The following RAD52 variants were observed in gnomAD, a reference collection of about 807,000 sequenced individuals.
RAD52 encodes DNA repair protein RAD52 homolog.
RAD52 carries 47 observed loss-of-function variants against 55.5 expected under a neutral mutation model. That is an observed-to-expected ratio of 0.85 (90% CI 0.67 to 1.08). The LOEUF (loss-of-function observed/expected upper bound fraction) is 1.08, where lower values mean the gene tolerates loss of function less well. Among genes scored for constraint, RAD52 ranks in the 50% least tolerant of loss-of-function variants. The pLI is 0.00. For missense variants in RAD52, 468 were observed against 522.8 expected, an observed-to-expected ratio of 0.90 and a Z score of 1.02; for synonymous variants, 184 against 198.9, an observed-to-expected ratio of 0.92 and a Z score of 0.63.
In RAD52 at chr12:972,098, C is replaced by G. The variant is rs975049321; in HGVS notation, c.-19+17711G>C. Among the ~76,000 whole-genome samples, 3 of 152,110 alleles carry G rather than the reference C, an allele frequency of 2.0e-5. 1 individual carries two copies. Among genetic ancestry groups the G allele is most frequent in the Non-Finnish European group, 4.4e-5 (3 of 68,024 alleles). On this transcript the variant is annotated intron_variant, in intron 1 of 11. Transcript: ENST00000430095. ...AAATATGGGAGGAATAAGCACAAAT[C>G]TTGAGGCAACGCTAACATGCAATAT... is the stretch of plus-strand genomic sequence containing the variant.
In RAD52 at chr12:912,281, A is replaced by G. The variant is rs866946266; in HGVS notation, c.*1110T>C. The G allele has an allele frequency of 1.0e-5, 2 of 197,820 alleles. No homozygotes were observed. Among genetic ancestry groups the G allele is most frequent in the East Asian group, 7.8e-5 (1 of 12,842 alleles). The allele number at this position is 197,820 out of a possible 1,614,324, so 12.3% of individuals were successfully genotyped here. On this transcript the variant is annotated 3_prime_UTR_variant, in exon 12 of 12. Transcript: ENST00000358495. ...TGACAAGTCGCAAAGCACCAGGCAT[A>G]CAACAGTTTATGCAGCGACCCTAAG... is the stretch of plus-strand genomic sequence containing the variant.
At chr12:925,108 G>A (rs1048699804) in intron 7 of RAD52, among the ~76,000 whole-genome samples, 6 of 151,724 alleles carry the variant, frequency 4.0e-5, no homozygotes, top group Admixed American at 6.6e-5. Flanking sequence ...CCACCACCTC[G>A]CCCGGCTAAT....
In RAD52 at chr12:913,351, C is replaced by A. The variant is rs745561365; in HGVS notation, c.*40G>T. 3.4e-6 allele frequency: 5 copies of A among 1,470,720 alleles called. No individual in the cohort carries two copies. In the Admixed American group the frequency reaches 1.0e-4, roughly 30 times the overall value. 91.1% of individuals were successfully genotyped at this position (1,470,720 alleles called of 1,614,324 possible). On this transcript the variant is annotated 3_prime_UTR_variant, in exon 12 of 12. Coordinates refer to ENST00000358495, the MANE Select transcript of RAD52 (RefSeq NM_134424.4). Reference sequence around the variant, plus strand: ...TGACCAAAAAGTAGTTTTCCAAAGTCCCTTTGTGACAGAGTCCAATTATGT... The same window carrying A: ...TGACCAAAAAGTAGTTTTCCAAAGTACCTTTGTGACAGAGTCCAATTATGT...
chr12:927,323 CCT>C (rs1436510098), intron 5 of RAD52, 60 bp from the exon 6 acceptor site: 67 of 1,238,386 alleles, frequency 5.4e-5, no homozygotes, highest in Non-Finnish European at 8.0e-5. Flanking sequence ...CCACAACTCC[CCT>C]GTTCCTCAAG....
Position 927,254 on chromosome 12 carries a change from A to G in RAD52, c.358T>C (p.Tyr120His). ...ACACCATAACCAACATCTTCATGATATGAACCATCCTGGGGGCAGAAAAGG... is the reference window on the plus strand; with the variant it reads ...ACACCATAACCAACATCTTCATGATGTGAACCATCCTGGGGGCAGAAAAGG... ...FVRVQLKDGSYHEDVGYGVSE... is the reference protein window; with the variant it reads ...FVRVQLKDGSHHEDVGYGVSE... The change falls in exon 6 of 12, where the codon TAT becomes CAT. Residue 120 changes from tyrosine (Y) to histidine (H), a missense_variant. Transcript: ENST00000358495. 1.2e-6 allele frequency: 2 copies of G among 1,612,970 alleles called. No homozygotes were observed. The highest frequency in any genetic ancestry group is 4.5e-5 in the East Asian group (2 of 44,874).
At chr12:916,914 A>G (rs1483742973) in intron 7 of RAD52, 94 bp from the exon 8 acceptor site, 1 of 1,505,390 alleles carries the variant, frequency 6.6e-7, no homozygotes, top group African/African-American at 1.4e-5. Context: ...GGAAAATCGC[A>G]TTTGACATCC....
At chr12:974,690 C>G (rs1163673440) in intron 1 of RAD52, 1 of 152,176 alleles carries the variant, frequency 6.6e-6, no homozygotes, top group Non-Finnish European at 1.5e-5. Flanking sequence ...AGTAACTAAC[C>G]TCATCAAATA....
At chr12:951,197 C>CT (rs964755664), upstream of RAD52, among the ~76,000 whole-genome samples, 7 of 152,298 alleles carry the variant, frequency 4.6e-5, no homozygotes, top group African/African-American at 1.7e-4. Context: ...ACTGCAACCT[C>CT]TAACTCCTGG....
chr12:912,552 G>T lies in RAD52; in HGVS notation c.*839C>A, dbSNP rs903866119. On this transcript the variant is annotated 3_prime_UTR_variant, in exon 12 of 12. Transcript: ENST00000358495. Reference sequence around the variant, plus strand: ...ATTCTATTTTGTTAATAAGGTATACGATTTGCTTTCTCAAAAATGCCTTTT... The same window carrying T: ...ATTCTATTTTGTTAATAAGGTATACTATTTGCTTTCTCAAAAATGCCTTTT... 4 of 181,364 alleles carry T rather than the reference G, an allele frequency of 2.2e-5. No homozygotes were observed. The highest frequency in any genetic ancestry group is 9.0e-5 in the East Asian group (1 of 11,112). The allele number at this position is 181,364 out of a possible 1,614,324, so 11.2% of individuals were successfully genotyped here. A position where few individuals can be genotyped will look rare whatever the true frequency, so the allele number is the denominator to read the frequency against.
intron 1 of RAD52, among the ~76,000 whole-genome samples, chr12:961,518 C>A (rs537776330): frequency 1.4e-4 from 22 of 151,812 alleles, no homozygotes; most frequent in Non-Finnish European, 2.8e-4. Context: ...GGGCCCTAAT[C>A]TAACCTGACT....
rs57038565 is a variant in RAD52 at position 911,872 on chromosome 12, A to AATTAATT, written c.*1518_*1519insAATTAAT. Among the ~76,000 whole-genome samples, 4 of 49,084 alleles carry AATTAATT rather than the reference A, an allele frequency of 8.1e-5. No individual in the cohort carries two copies. In the South Asian group the frequency reaches 1.9e-3, roughly 23 times the overall value. 32.2% of individuals were successfully genotyped at this position (49,084 alleles called of 152,430 possible). A position where few individuals can be genotyped will look rare whatever the true frequency, so the allele number is the denominator to read the frequency against. ...CCGTCTCCTCTACTAAAAATACAAA[A>AATTAATT]ATTAGTCGGGCGTCGTGGTGGGTGT... On this transcript the variant is annotated 3_prime_UTR_variant, in exon 12 of 12. Coordinates refer to ENST00000358495, the MANE Select transcript of RAD52 (RefSeq NM_134424.4).
intron 7 of RAD52, among the ~76,000 whole-genome samples, chr12:920,872 T>C (rs1381464159): frequency 6.6e-6 from 1 of 152,194 alleles, no homozygotes; most frequent in Non-Finnish European, 1.5e-5. Flanking sequence ...ACATGGAACA[T>C]TCTCCAAGAC....
chr12:919,578 C>T (rs552157491), intron 7 of RAD52, among the ~76,000 whole-genome samples: 12 of 151,844 alleles, frequency 7.9e-5, no homozygotes, highest in Admixed American at 1.3e-4. Flanking sequence ...AGCAAAACCC[C>T]GCTCTACTAA....
rs1048845932 is a variant in RAD52, at chr12:912,463, A to G, written c.*928T>C. On this transcript the variant is annotated 3_prime_UTR_variant, in exon 12 of 12. Transcript: ENST00000358495. ...ATCCCCAAGGTCTCATTATGTGTAT[A>G]CAAATATTCAAAAAATGCAAAACAA... The G allele has an allele frequency of 5.1e-6, 1 of 196,270 alleles. No individual in the cohort carries two copies. Among genetic ancestry groups the G allele is most frequent in the Admixed American group, 6.1e-5 (1 of 16,492 alleles). The allele number at this position is 196,270 out of a possible 1,614,324, so 12.2% of individuals were successfully genotyped here.
At chr12:923,897 A>T (rs1956874412) in intron 7 of RAD52, among the ~76,000 whole-genome samples, 2 of 151,138 alleles carry the variant, frequency 1.3e-5, no homozygotes, top group African/African-American at 4.9e-5. Flanking sequence ...ATCTACTAAA[A>T]ATAAAAAAAT....
At position 912,584 on chromosome 12, in the gene RAD52, A is replaced by C; in HGVS notation, c.*807T>G. 2 of 181,608 alleles carry C rather than the reference A, an allele frequency of 1.1e-5. No individual in the cohort carries two copies. Among genetic ancestry groups the C allele is most frequent in the East Asian group, 1.8e-4 (2 of 11,078 alleles). The allele number at this position is 181,608 out of a possible 1,614,324, so 11.2% of individuals were successfully genotyped here. ...TTTCTCAAAAATGCCTTTTCTGGCC[A>C]GACACAGTGGCTCACACCAGTAATC... On this transcript the variant is annotated 3_prime_UTR_variant, in exon 12 of 12. Coordinates refer to ENST00000358495, the MANE Select transcript of RAD52 (RefSeq NM_134424.4).
Position 919,342 on chromosome 12 carries a change from A to G in RAD52, c.544-2522T>C, listed in dbSNP as rs574612926. Among the ~76,000 whole-genome samples the G allele has an allele frequency of 3.3e-5, 5 of 152,284 alleles. No homozygotes were observed. The South Asian group carries it at 1.0e-3, about 32-fold the overall frequency. On this transcript the variant is annotated intron_variant, in intron 7 of 11. Transcript: ENST00000358495. Reference sequence around the variant, plus strand: ...GCGCCTGTAATCCCAGTTACTTGGGAGGCTGAGGCTGGAGAATCGCTTGAA... The same window carrying G: ...GCGCCTGTAATCCCAGTTACTTGGGGGGCTGAGGCTGGAGAATCGCTTGAA...
At chr12:986,639 A>G (rs1368695162) in intron 1 of RAD52, among the ~76,000 whole-genome samples, 1 of 152,108 alleles carries the variant, frequency 6.6e-6, no homozygotes, top group Non-Finnish European at 1.5e-5. Flanking sequence ...TGCTGGGATT[A>G]CAGATGTGAC....
At chr12:941,671 T>G (rs1184929874) in intron 1 of RAD52, among the ~76,000 whole-genome samples, 1 of 151,974 alleles carries the variant, frequency 6.6e-6, no homozygotes, top group Non-Finnish European at 1.5e-5. Flanking sequence ...TTGCTCTTGT[T>G]GCCCAGGCTG....
Sources: allele counts gnomAD v4.1 joint callset (sites outside exome capture counted in the v4.1 genomes callset), GRCh38; gene constraint gnomAD v4.1.1; transcripts MANE v1.5; gene names NCBI Gene and HGNC (gene_info 2026-07-23, HGNC 2026-07-21).